Variants in CTNND2 observed in about 807,000 individuals in gnomAD.
The protein encoded by CTNND2 is catenin delta 2.
A neutral mutation model predicts 144.4 loss-of-function variants in CTNND2; 22 were observed. That is an observed-to-expected ratio of 0.15 (90% CI 0.11 to 0.22). The LOEUF is 0.22. Among genes scored for constraint, CTNND2 ranks in the 10% least tolerant of loss-of-function variants. The probability of loss-of-function intolerance (pLI) is 1.00; values close to 1 mark genes in which losing one functional copy is unlikely to be tolerated. For synonymous variants in CTNND2, 751 were observed against 695.6 expected (o/e 1.08, Z -1.25); for missense variants, 1,353 against 1,618.8 (o/e 0.84, Z 2.82).
At position 11,199,464 on chromosome 5, in the gene CTNND2, G is replaced by C. The variant is rs1300803064; in HGVS notation, c.1959C>G (p.Ile653Met). Residue 653 changes from isoleucine to methionine, a missense_variant, in exon 11 of 22, where the codon ATC becomes ATG. Physicochemically the swap from Ile to Met is conservative, Grantham distance 10. Coordinates refer to ENST00000304623, the MANE Select transcript of CTNND2 (RefSeq NM_001332.4). The stretch of plus-strand genomic sequence containing the variant: ...GATTCTAACCTGTGACCAGCTCCCG[G>C]ATCTCCAGGTCAGTCGTCTTGCGGA... ...RLLRKTTDLE[I>M]RELVTGVLWN... The C allele has an allele frequency of 1.9e-6, 3 of 1,614,072 alleles. No homozygotes were observed. The highest frequency in any genetic ancestry group is 2.5e-6 in the Non-Finnish European group (3 of 1,179,930).
chr5:11,240,395 CAACA>C (rs373874264), intron 9 of CTNND2, among the ~76,000 whole-genome samples: 54 of 128,738 alleles, frequency 4.2e-4, no homozygotes, highest in Admixed American at 1.0e-3. Context: ...CTCACACACC[CAACA>C]CACACACCCA....
intron 12 of CTNND2, among the ~76,000 whole-genome samples, chr5:11,120,248 T>TA (rs752205727): frequency 2.0e-5 from 3 of 152,188 alleles, no homozygotes; most frequent in Non-Finnish European, 4.4e-5. Context: ...AAGAGGGGGT[T>TA]ATCATGCTGT....
At chr5:11,814,538 G>A (rs2126916892) in intron 1 of CTNND2, among the ~76,000 whole-genome samples, 2 of 152,354 alleles carry the variant, frequency 1.3e-5, no homozygotes, top group Middle Eastern at 3.4e-3. Flanking sequence ...AGGTTGGAGA[G>A]CTGCAAAGCA....
intron 3 of CTNND2, among the ~76,000 whole-genome samples, chr5:11,538,657 G>A (rs998809829): frequency 3.3e-5 from 5 of 152,030 alleles, no homozygotes; most frequent in Admixed American, 6.5e-5. Flanking sequence ...ATTACTCAAA[G>A]ACATTCTCCT....
chr5:11,158,638 G>A (rs758382686), intron 12 of CTNND2, among the ~76,000 whole-genome samples: 10 of 152,168 alleles, frequency 6.6e-5, no homozygotes, highest in Non-Finnish European at 1.3e-4. Context: ...ATGAGATGAC[G>A]ATTATTAATG....
At chr5:11,720,098 G>C (rs1458562888) in intron 2 of CTNND2, among the ~76,000 whole-genome samples, 3 of 152,236 alleles carry the variant, frequency 2.0e-5, no homozygotes, top group African/African-American at 7.2e-5. Context: ...CAAAAGGTCT[G>C]TCATTGATTA....
chr5:11,584,894 C>T (rs1161201692), intron 2 of CTNND2, among the ~76,000 whole-genome samples: 1 of 152,124 alleles, frequency 6.6e-6, no homozygotes, highest in East Asian at 1.9e-4. Flanking sequence ...TCATTTTTCT[C>T]ATGCTAATAG....
chr5:11,631,821 G>T (rs1273847567), intron 2 of CTNND2, among the ~76,000 whole-genome samples: 3 of 152,154 alleles, frequency 2.0e-5, no homozygotes, highest in Non-Finnish European at 2.9e-5. Flanking sequence ...TATGCTGGGA[G>T]GAGGAAGTTT....
At chr5:11,299,446 C>G (rs1478475516) in intron 9 of CTNND2, among the ~76,000 whole-genome samples, 1 of 152,132 alleles carries the variant, frequency 6.6e-6, no homozygotes, top group Non-Finnish European at 1.5e-5. Flanking sequence ...GAGTGGAGCT[C>G]TTGACTCCCA....
chr5:11,691,206 C>T (rs1163499252), intron 2 of CTNND2, among the ~76,000 whole-genome samples: 1 of 151,904 alleles, frequency 6.6e-6, no homozygotes, highest in East Asian at 1.9e-4. Flanking sequence ...TCCGTCTCTA[C>T]TAAAAATACA....
In CTNND2 at chr5:11,374,515, G is replaced by A. The variant is rs560155199; in HGVS notation, c.1178-9625C>T. On this transcript the variant is annotated intron_variant, in intron 7 of 21. Transcript: ENST00000304623. The stretch of plus-strand genomic sequence containing the variant: ...TTTGTCCTGATTAACTACAGATGCA[G>A]GGCGATCTATGACTCGGTATTTTAT... Among the ~76,000 whole-genome samples the A allele has an allele frequency of 2.6e-4, 39 of 152,232 alleles. No individual in the cohort carries two copies. The South Asian group carries it at 3.7e-3, about 15-fold the overall frequency.
chr5:11,374,079 G>A (rs1056118670), intron 7 of CTNND2, among the ~76,000 whole-genome samples: 10 of 152,094 alleles, frequency 6.6e-5, no homozygotes, highest in African/African-American at 2.4e-4. Flanking sequence ...GGTCAGTGCT[G>A]TGATGATCAC....
At chr5:11,404,602 C>CTTTTTTTTTTTTTTTTTTTTTTT (rs555388304) in intron 5 of CTNND2, among the ~76,000 whole-genome samples, 3 of 57,368 alleles carry the variant, frequency 5.2e-5, no homozygotes, top group Non-Finnish European at 7.9e-5. Context: ...TATCTGTATT[C>CTTTTTTTTTTTTTTTTTTTTTTT]TTTTTTTTTT....
chr5:11,778,498 T>G (rs1790373964), intron 1 of CTNND2, among the ~76,000 whole-genome samples: 1 of 152,156 alleles, frequency 6.6e-6, no homozygotes, highest in Non-Finnish European at 1.5e-5. Context: ...GAATGGTACT[T>G]TACTCTGTGG....
At chr5:11,108,097 T>C (rs2149680588) in intron 14 of CTNND2, among the ~76,000 whole-genome samples, 1 of 152,242 alleles carries the variant, frequency 6.6e-6, no homozygotes, top group South Asian at 2.1e-4. Context: ...GAGAAGTAGA[T>C]TAGGGAGTAA....
At chr5:11,627,002 A>G (rs926575813) in intron 2 of CTNND2, among the ~76,000 whole-genome samples, 1 of 152,188 alleles carries the variant, frequency 6.6e-6, no homozygotes, top group Non-Finnish European at 1.5e-5. Context: ...GGTAGAGGAT[A>G]GATGATGAAT....
At chr5:11,424,780 A>T (rs1762642949) in intron 3 of CTNND2, among the ~76,000 whole-genome samples, 1 of 152,132 alleles carries the variant, frequency 6.6e-6, no homozygotes, top group African/African-American at 2.4e-5. Context: ...TTAAACTAGA[A>T]TTTTTTTTAA....
intron 1 of CTNND2, among the ~76,000 whole-genome samples, chr5:11,764,879 A>G (rs1042776047): frequency 6.6e-6 from 1 of 152,174 alleles, no homozygotes; most frequent in Non-Finnish European, 1.5e-5. Flanking sequence ...AATGCACATG[A>G]ATCAAAGTCA....
chr5:11,115,460 C>T (rs1328207929), intron 13 of CTNND2, among the ~76,000 whole-genome samples: 5 of 152,160 alleles, frequency 3.3e-5, no homozygotes, highest in African/African-American at 7.2e-5. Context: ...CTGAATATGA[C>T]GATGCTGAGC....
Sources: gnomAD v4.1 joint callset for allele counts (sites outside exome capture counted in the v4.1 genomes callset) on GRCh38, gnomAD v4.1.1 for gene constraint, MANE v1.5 for transcripts, NCBI Gene and HGNC (gene_info 2026-07-23, HGNC 2026-07-21) for gene names.